BSN: variants seen among roughly 807,000 people sequenced by gnomAD.
The protein encoded by BSN is protein bassoon.
BSN carries 57 observed loss-of-function variants against 264.8 expected under a neutral mutation model. The ratio of observed to expected loss-of-function variants is 0.22; its 90% CI spans 0.17 to 0.27. The LOEUF is 0.27. BSN is among the 10% of genes least tolerant of loss of function. The pLI, the probability that BSN is intolerant of heterozygous loss-of-function variation, is 1.00. For missense variants in BSN, 4,615 were observed against 5,232.5 expected, an observed-to-expected ratio of 0.88 and a Z score of 3.64; for synonymous variants, 2,059 against 2,137.3, an observed-to-expected ratio of 0.96 and a Z score of 1.01.
chr3:49,593,067 C>G (rs779094949), intron 1 of BSN, among the ~76,000 whole-genome samples: 5 of 152,190 alleles, frequency 3.3e-5, no homozygotes, highest in Non-Finnish European at 7.3e-5. Flanking sequence ...TCCACCCCAT[C>G]CCTAATCCCT....
chr3:49,663,655 C>A lies in BSN; in HGVS notation c.11497C>A (p.Pro3833Thr). The A allele has an allele frequency of 6.2e-7, 1 of 1,604,170 alleles. No individual in the cohort carries two copies. Residue 3833 changes from proline (P) to threonine (T), a missense_variant, in exon 7 of 12, where the codon CCA becomes ACA. Pro to Thr is a conservative substitution (Grantham distance 38). Transcript: ENST00000296452. ...PGPSTATGPQ[P>T]AGPPRAEQTN... ...CCCCAGCACAGCCACAGGTCCTCAA[C>A]CAGCAGGACCGGTAAGCAGAGCTCC...
intron 1 of BSN, among the ~76,000 whole-genome samples, chr3:49,581,082 A>G (rs1196144288): frequency 6.6e-6 from 1 of 151,942 alleles, no homozygotes; most frequent in Non-Finnish European, 1.5e-5. Flanking sequence ...CCCGGGCTCA[A>G]GTGATTCTCA....
intron 1 of BSN, among the ~76,000 whole-genome samples, chr3:49,620,407 A>G (rs767695629): frequency 1.3e-5 from 2 of 151,946 alleles, no homozygotes; most frequent in African/African-American, 2.4e-5. Context: ...CCTGGGCGAC[A>G]GAGTGAGACT....
chr3:49,594,772 A>G (rs1396028376), intron 1 of BSN, among the ~76,000 whole-genome samples: 1 of 152,198 alleles, frequency 6.6e-6, no homozygotes, highest in African/African-American at 2.4e-5. Flanking sequence ...GGAAGAATGA[A>G]CATCTTTTCT....
At chr3:49,624,637 G>A (rs926312111) in intron 1 of BSN, among the ~76,000 whole-genome samples, 1 of 152,094 alleles carries the variant, frequency 6.6e-6, no homozygotes. Context: ...TAGAATCTTG[G>A]TATTCAAAGC....
Position 49,651,602 on chromosome 3 carries a change from C to T in BSN, c.2046C>T (p.Asp682=), listed in dbSNP as rs775709685. ...CTCGGAGCCCACAGAGCCTCAGTGA[C>T]ACAGGCTATTCCTCTGACGGCATCT... ...DASRSPQSLS[D]TGYSSDGISS... Residue 682 remains aspartate, a synonymous_variant, in exon 5 of 12, where the codon GAC becomes GAT. Coordinates refer to ENST00000296452, the MANE Select transcript of BSN (RefSeq NM_003458.4). This position sits in a 1 kb window ranked among gnomAD's most constrained non-coding sequence, Gnocchi z 5.4. The T allele has an allele frequency of 6.2e-7, 1 of 1,613,104 alleles. No individual in the cohort carries two copies. The highest frequency in any genetic ancestry group is 8.5e-7 in the Non-Finnish European group (1 of 1,179,442).
At chr3:49,559,097 T>C (rs1157364259) in intron 1 of BSN, among the ~76,000 whole-genome samples, 1 of 152,086 alleles carries the variant, frequency 6.6e-6, no homozygotes, top group African/African-American at 2.4e-5. Context: ...CAGCTAATTT[T>C]TGTATTTTTA....
chr3:49,564,379 C>T (rs2051737507), intron 1 of BSN, among the ~76,000 whole-genome samples: 1 of 152,198 alleles, frequency 6.6e-6, no homozygotes, highest in East Asian at 1.9e-4. Flanking sequence ...TCTGTGGAGG[C>T]CTGCATGAGT....
At position 49,653,797 on chromosome 3, in the gene BSN, C is replaced by G; in HGVS notation, c.4241C>G (p.Ser1414Cys). ...AGSERSPSPS[S>C]TAHSYGHSPT... ...TCCGAGCGTAGTCCTTCACCATCTT[C>G]CACAGCCCACAGCTATGGACACAGC... The change falls in exon 5 of 12, where the codon TCC (serine) becomes TGC (cysteine). Residue 1414 changes from serine (S) to cysteine (C), a missense_variant. By Grantham distance (112) the Ser-to-Cys change is moderately radical. Transcript: ENST00000296452. This position sits in a 1 kb window ranked among gnomAD's most constrained non-coding sequence, Gnocchi z 6.3. 1 of 1,614,132 alleles carries G rather than the reference C, an allele frequency of 6.2e-7. No homozygotes were observed. Among genetic ancestry groups the G allele is most frequent in the Non-Finnish European group, 8.5e-7 (1 of 1,179,994 alleles).
In BSN at chr3:49,663,424, C is replaced by A. The variant is rs1559619979; in HGVS notation, c.11266C>A (p.Pro3756Thr). 10 of 1,612,910 alleles carry A rather than the reference C, an allele frequency of 6.2e-6. No homozygotes were observed. The highest frequency in any genetic ancestry group is 8.5e-6 in the Non-Finnish European group (10 of 1,180,006). ...GCAAGGTCGGCAGGCAGCTCCAGGA[C>A]CACAGCAGTCACAGTCACCATCATC... ...QLQGRQAAPGPQQSQSPSSRQ... is the reference protein window; with the variant it reads ...QLQGRQAAPGTQQSQSPSSRQ... Residue 3756 changes from proline to threonine, a missense_variant, in exon 7 of 12, where the codon CCA (proline) becomes ACA (threonine). Physicochemically the swap from Pro to Thr is conservative, Grantham distance 38. Coordinates refer to ENST00000296452, the MANE Select transcript of BSN (RefSeq NM_003458.4).
intron 1 of BSN, among the ~76,000 whole-genome samples, chr3:49,584,443 G>A (rs1199289270): frequency 1.3e-4 from 20 of 151,768 alleles, no homozygotes. Flanking sequence ...GGAAGTTTAG[G>A]TTATTGGTTT....
Position 49,656,025 on chromosome 3 carries a change from G to A in BSN, c.6469G>A (p.Gly2157Ser). The change falls in exon 5 of 12, where the codon GGC becomes AGC. Residue 2157 changes from glycine (G) to serine (S), a missense_variant. Gly to Ser is a moderately conservative substitution (Grantham distance 56). Transcript: ENST00000296452. ...GLLGNPTFPE[G>S]HPSPGNLAQY... ...CCTTGGTAACCCCACCTTTCCAGAG[G>A]GCCACCCAAGTCCTGGGAACTTGGC... 6.2e-7 allele frequency: 1 copy of A among 1,602,206 alleles called. No homozygotes were observed. The highest frequency in any genetic ancestry group is 8.5e-7 in the Non-Finnish European group (1 of 1,173,912).
rs563501390 is a variant in BSN at position 49,656,691 on chromosome 3, C to T, written c.7135C>T (p.Arg2379Trp). Residue 2379 changes from arginine (R) to tryptophan (W), a missense_variant, in exon 5 of 12, where the codon CGG becomes TGG. Transcript: ENST00000296452. ...GCAGCTGCTCCAGCTAGAGCGGGAGCGGGTGGAGTTGGAGAAGCTGCGACA... is the reference window on the plus strand; with the variant it reads ...GCAGCTGCTCCAGCTAGAGCGGGAGTGGGTGGAGTTGGAGAAGCTGCGACA... ...QEQLLQLERE[R>W]VELEKLRQLR... 1.3e-5 allele frequency: 21 copies of T among 1,591,362 alleles called. No individual in the cohort carries two copies. The East Asian group carries it at 1.6e-4, about 12-fold the overall frequency.
intron 1 of BSN, among the ~76,000 whole-genome samples, chr3:49,565,117 CTTT>C (rs1299417628): frequency 7.7e-6 from 1 of 130,470 alleles, no homozygotes. Flanking sequence ...TATTCCTCCA[CTTT>C]TTTTTTTTGG....
At chr3:49,588,771 T>G (rs1189605609) in intron 1 of BSN, among the ~76,000 whole-genome samples, 2 of 152,228 alleles carry the variant, frequency 1.3e-5, no homozygotes, top group Non-Finnish European at 1.5e-5. Context: ...CTAATTTAAT[T>G]ATATTGTGTT....
In BSN at chr3:49,616,435, T is replaced by C. The variant is rs376633126; in HGVS notation, c.225-8540T>C. On this transcript the variant is annotated intron_variant, in intron 1 of 11. Transcript: ENST00000296452. ...CCATTACAGAAAGGTCAGCCATGAA[T>C]TCATCAAAACCTCTTTTGAAGCTGT... Among the ~76,000 whole-genome samples, 17 of 152,326 alleles carry C rather than the reference T, an allele frequency of 1.1e-4. No homozygotes were observed. The East Asian group carries it at 2.3e-3, about 21-fold the overall frequency.
chr3:49,643,275 C>T (rs2052481055), intron 3 of BSN, 123 bp downstream of exon 3: 1 of 1,436,740 alleles, frequency 7.0e-7, no homozygotes, highest in South Asian at 1.5e-5. Flanking sequence ...TCCTGTACAA[C>T]TAATGCTGCA....
At position 49,652,155 on chromosome 3, in the gene BSN, C is replaced by T. The variant is rs149242508; in HGVS notation, c.2599C>T (p.Arg867Cys). ...GGAGGATGACACTGCCACCTCCGGG[C>T]GTGGCCTGGCCAAACATGGCACCCA... The part of the protein sequence containing the change: ...LEEDDTATSG[R>C]GLAKHGTQKG... Residue 867 changes from arginine (R) to cysteine (C), a missense_variant, in exon 5 of 12, where the codon CGT becomes TGT. Transcript: ENST00000296452. The T allele has an allele frequency of 5.0e-5, 80 of 1,613,914 alleles. No individual in the cohort carries two copies. The highest frequency in any genetic ancestry group is 2.7e-4 in the South Asian group (25 of 91,074).
intron 5 of BSN, among the ~76,000 whole-genome samples, chr3:49,658,477 C>G (rs2052629858): frequency 6.6e-6 from 1 of 152,216 alleles, no homozygotes; most frequent in Non-Finnish European, 1.5e-5. Flanking sequence ...GTCCCTTCAC[C>G]ACCCACACCT....
Sources: allele counts gnomAD v4.1 joint callset (sites outside exome capture counted in the v4.1 genomes callset), GRCh38; gene constraint gnomAD v4.1.1; non-coding constraint Gnocchi (gnomAD v3.1); transcripts MANE v1.5; gene names NCBI Gene and HGNC (gene_info 2026-07-23, HGNC 2026-07-21).